Variants in AP1M1 observed in about 807,000 individuals in gnomAD.
AP1M1 encodes the protein adaptor related protein complex 1 subunit mu 1, also known as AP-1 complex subunit mu-1.
A neutral mutation model predicts 57.1 loss-of-function variants in AP1M1; 18 were observed. The ratio of observed to expected loss-of-function variants is 0.32; its 90% CI spans 0.22 to 0.47. The LOEUF is 0.47. AP1M1 is among the 20% of genes least tolerant of loss of function. The pLI, the probability that AP1M1 is intolerant of heterozygous loss-of-function variation, is 1.00. For synonymous variants in AP1M1, 241 were observed against 237.9 expected (o/e 1.01, Z -0.12); for missense variants, 362 against 593.5 (o/e 0.61, Z 4.05).
Position 16,228,292 on chromosome 19 carries a change from T to A in AP1M1, c.888+84T>A. 1 of 1,405,478 alleles carries A rather than the reference T, an allele frequency of 7.1e-7. No homozygotes were observed. The highest frequency in any genetic ancestry group is 9.9e-7 in the Non-Finnish European group (1 of 1,012,498). The allele number at this position is 1,405,478 out of a possible 1,614,324, so 87.1% of individuals were successfully genotyped here. ...GCCTAACCGAGGGCTGGGGGTGCCG[T>A]AGGGCTGCCATCCGTGCACCCTCAC... On this transcript the variant is annotated intron_variant, in intron 8 of 11. Coordinates refer to ENST00000291439, the MANE Select transcript of AP1M1 (RefSeq NM_032493.4). The surrounding 1 kb of genome is among the most constrained non-coding windows in gnomAD (Gnocchi z 5.0).
chr19:16,199,086 G>A (rs917715395), intron 1 of AP1M1, among the ~76,000 whole-genome samples: 6 of 152,176 alleles, frequency 3.9e-5, no homozygotes, highest in Non-Finnish European at 8.8e-5. Context: ...GGGATTACAG[G>A]TGTGAGTCAT....
At chr19:16,219,403 T>G (rs1249229802) in intron 5 of AP1M1, among the ~76,000 whole-genome samples, 1 of 151,368 alleles carries the variant, frequency 6.6e-6, no homozygotes. Context: ...TTTTTGTTTT[T>G]TTTTTTTTTT....
At chr19:16,213,401 T>C (rs7259078) in intron 5 of AP1M1, among the ~76,000 whole-genome samples, 100,114 of 152,042 alleles carry the variant, frequency 0.66, 35,212 homozygotes, top group Non-Finnish European at 0.8. Flanking sequence ...GAAATTAAGA[T>C]TGCAACTCTG....
Position 16,203,545 on chromosome 19 carries a change from G to A in AP1M1, c.129G>A (p.Glu43=). 1 of 1,614,156 alleles carries A rather than the reference G, an allele frequency of 6.2e-7. No homozygotes were observed. The highest frequency in any genetic ancestry group is 1.7e-5 in the Admixed American group (1 of 60,020). The change falls in exon 2 of 12, where the codon GAG becomes GAA. Residue 43 remains glutamate, a synonymous_variant. Transcript: ENST00000291439. This position sits in a 1 kb window ranked among gnomAD's most constrained non-coding sequence, Gnocchi z 4.6. ...FMPILMEKEE[E]GMLSPILAHG... ...CCATCCTGATGGAGAAGGAGGAGGA[G>A]GGGATGCTGTCGCCCATCCTGGCCC...
At chr19:16,222,210 TA>T (rs540241971) in intron 5 of AP1M1, among the ~76,000 whole-genome samples, 1,587 of 133,178 alleles carry the variant, frequency 0.012, 25 homozygotes, top group African/African-American at 0.032. Context: ...TTATTATTAT[TA>T]TTTTTTTTTT....
At chr19:16,221,988 C>G (rs1057311163) in intron 5 of AP1M1, among the ~76,000 whole-genome samples, 3 of 152,044 alleles carry the variant, frequency 2.0e-5, no homozygotes, top group Admixed American at 6.5e-5. Flanking sequence ...ACCCAGCCCT[C>G]AGATATGTTT....
intron 1 of AP1M1, among the ~76,000 whole-genome samples, chr19:16,199,995 C>T (rs2145109411): frequency 6.6e-6 from 1 of 152,314 alleles, no homozygotes; most frequent in South Asian, 2.1e-4. Context: ...CTGGGACAGG[C>T]ACCTTCTCCT....
chr19:16,223,126 T>C (rs1317926031), intron 5 of AP1M1, among the ~76,000 whole-genome samples: 1 of 152,204 alleles, frequency 6.6e-6, no homozygotes, highest in Non-Finnish European at 1.5e-5. Context: ...ATTTTTGTTT[T>C]AGCCAACAGC....
rs1266599658 is a variant in AP1M1, at chr19:16,236,588, T to G, written c.*2153T>G. On this transcript the variant is annotated 3_prime_UTR_variant, in exon 12 of 12. Transcript: ENST00000291439. ...TGGGATCCTCGAGGGTCATGATACT[T>G]AACAGTAAAAAGATGGACTAGAAAA... The G allele has an allele frequency of 4.6e-5, 7 of 152,040 alleles. No homozygotes were observed. The highest frequency in any genetic ancestry group is 8.8e-5 in the Non-Finnish European group (6 of 68,016). The allele number at this position is 152,040 out of a possible 1,614,324, so 9.4% of individuals were successfully genotyped here.
chr19:16,202,193 C>T (rs570557854), intron 1 of AP1M1, among the ~76,000 whole-genome samples: 2 of 152,266 alleles, frequency 1.3e-5, no homozygotes, highest in East Asian at 3.9e-4. Flanking sequence ...ATAAAGGCAG[C>T]GTGTGATGAA....
intron 5 of AP1M1, among the ~76,000 whole-genome samples, chr19:16,217,155 G>C (rs2091522491): frequency 6.6e-6 from 1 of 152,184 alleles, no homozygotes; most frequent in South Asian, 2.1e-4. Flanking sequence ...CACACTGGCA[G>C]CAGTGGCTGC....
chr19:16,234,348 C>T (rs1221189524), intron 11 of AP1M1, 65 bp from the exon 12 acceptor site: 4 of 1,613,062 alleles, frequency 2.5e-6, no homozygotes, highest in Non-Finnish European at 3.4e-6. Context: ...GTGGAGCCAT[C>T]GGGTCGGGTC....
chr19:16,214,052 C>CT lies in AP1M1; in HGVS notation c.546+4889dup, dbSNP rs71178658. Among the ~76,000 whole-genome samples the CT allele has an allele frequency of 7.2e-4, 100 of 139,482 alleles. 3 individuals are homozygous for CT. The highest frequency in any genetic ancestry group is 7.4e-3 in the Middle Eastern group (2 of 270). The allele number at this position is 139,482 out of a possible 152,430, so 91.5% of individuals were successfully genotyped here. A position where few individuals can be genotyped will look rare whatever the true frequency, so the allele number is the denominator to read the frequency against. ...AGTAATGGCCTTTTCTTTCCTTTTTCTTTTTTTTTTTTTTGAGACAAAGTC... is the reference window on the plus strand; with the variant it reads ...AGTAATGGCCTTTTCTTTCCTTTTTCTTTTTTTTTTTTTTTGAGACAAAGTC... On this transcript the variant is annotated intron_variant, in intron 5 of 11. Coordinates refer to ENST00000291439, the MANE Select transcript of AP1M1 (RefSeq NM_032493.4).
At chr19:16,214,929 G>T (rs1211712314) in intron 5 of AP1M1, among the ~76,000 whole-genome samples, 5 of 150,696 alleles carry the variant, frequency 3.3e-5, no homozygotes, top group Admixed American at 6.6e-5. Flanking sequence ...ATATGTTTTT[G>T]GTAGAGATGG....
chr19:16,198,127 G>T (rs371239934), intron 1 of AP1M1, 59 bp downstream of exon 1: 654 of 1,583,682 alleles, frequency 4.1e-4, no homozygotes, highest in Non-Finnish European at 5.1e-4. Context: ...CTCCGCCCGC[G>T]GGGACCCACC....
chr19:16,198,058 T>G lies in AP1M1; in HGVS notation c.32T>G (p.Leu11Arg). The G allele has an allele frequency of 6.2e-7, 1 of 1,601,202 alleles. No individual in the cohort carries two copies. Residue 11 changes from leucine (L) to arginine (R), a missense_variant, in exon 1 of 12, where the codon CTG (leucine) becomes CGG (arginine). By Grantham distance (102) the Leu-to-Arg change is moderately radical. This residue lies in a region of AP1M1 where 337 missense variants were observed against 511.1 expected (regional missense o/e 0.66). Coordinates refer to ENST00000291439, the MANE Select transcript of AP1M1 (RefSeq NM_032493.4). MSASAVYVLD[L>R]KGKVLICRNY... ...GCCAGCGCCGTCTACGTGCTGGACC[T>G]GAAGGGCAAGGTACTGAGGGCTCCC...
Position 16,231,059 on chromosome 19 carries a change from C to A in AP1M1, c.1047+2131C>A, listed in dbSNP as rs542156210. Among the ~76,000 whole-genome samples the A allele has an allele frequency of 5.3e-5, 8 of 151,772 alleles. No individual in the cohort carries two copies. In the East Asian group the frequency reaches 1.2e-3, roughly 22 times the overall value. On this transcript the variant is annotated intron_variant, in intron 9 of 11. Transcript: ENST00000291439. Reference sequence around the variant, plus strand: ...ATCCCAGCACTTTCGGAGGCTGAGGCGGGCGGATCACAAGGTCAGGAGATC... The same window carrying A: ...ATCCCAGCACTTTCGGAGGCTGAGGAGGGCGGATCACAAGGTCAGGAGATC...
At chr19:16,224,995 G>A (rs974140884) in intron 5 of AP1M1, among the ~76,000 whole-genome samples, 1 of 152,070 alleles carries the variant, frequency 6.6e-6, no homozygotes, top group Non-Finnish European at 1.5e-5. Flanking sequence ...GCAGGCAGAC[G>A]CAGGGAAGCT....
chr19:16,204,576 C>T (rs1045495073), intron 2 of AP1M1, among the ~76,000 whole-genome samples: 21 of 152,218 alleles, frequency 1.4e-4, no homozygotes, highest in Admixed American at 2.6e-4. Flanking sequence ...TTCTTGGAGA[C>T]ACTTGGGGCC....
Sources: gnomAD v4.1 joint callset for allele counts (sites outside exome capture counted in the v4.1 genomes callset) on GRCh38, gnomAD v4.1.1 for gene constraint, gnomAD v4.1.1 regional missense constraint, Gnocchi (gnomAD v3.1) non-coding constraint, MANE v1.5 for transcripts, NCBI Gene and HGNC (gene_info 2026-07-23, HGNC 2026-07-21) for gene names.